ZNF177: variants seen among roughly 807,000 people sequenced by gnomAD.
The protein encoded by ZNF177 is zinc finger protein 177.
Under a neutral mutation model 19.4 loss-of-function variants are expected in ZNF177, and 17 were observed. That is an observed-to-expected ratio of 0.87 (90% CI 0.60 to 1.31). The LOEUF is 1.31. Ranked by LOEUF, ZNF177 falls within the 40% of genes most tolerant of loss-of-function variation. ZNF177 has a pLI of 0.00. For synonymous variants in ZNF177, 220 were observed against 188.7 expected (o/e 1.17, Z -1.36); for missense variants, 633 against 561.8 (o/e 1.13, Z -1.28).
chr19:9,381,001 C>G (rs1263361051), exon 6 of ZNF177: 7 of 1,572,732 alleles, frequency 4.5e-6, no homozygotes, highest in Non-Finnish European at 6.0e-6. Context: ...AGTACGTGAG[C>G]AAATACCTAC....
Position 9,381,918 on chromosome 19 carries a change from A to G in ZNF177, c.*141A>G. 3 of 1,245,950 alleles carry G rather than the reference A, an allele frequency of 2.4e-6. No homozygotes were observed. In the South Asian group the frequency reaches 4.9e-5, roughly 20 times the overall value. 77.2% of individuals were successfully genotyped at this position (1,245,950 alleles called of 1,614,324 possible). On this transcript the variant is annotated 3_prime_UTR_variant, in exon 6 of 6. Coordinates refer to ENST00000589262, the Ensembl canonical transcript of ZNF177. ...TGCCTGTTATACTGGGACAAACCTT[A>G]TAAATGTTATAGCTATGATTGTTTT...
intron 3 of ZNF177, 140 bp downstream of exon 5, chr19:9,379,228 C>A: frequency 7.4e-7 from 1 of 1,345,486 alleles, no homozygotes; most frequent in Non-Finnish European, 9.9e-7. Context: ...GGGGGCAGTC[C>A]AGTGGCTTCC....
At chr19:9,370,692 G>C (rs1399853407) in intron 2 of ZNF177, among the ~76,000 whole-genome samples, 1 of 152,108 alleles carries the variant, frequency 6.6e-6, no homozygotes, top group Non-Finnish European at 1.5e-5. Context: ...AAAGTGCTGG[G>C]ATTACTGGTG....
At chr19:9,379,256 T>G (rs1469609778) in intron 3 of ZNF177, 168 bp downstream of exon 5, 1 of 1,239,442 alleles carries the variant, frequency 8.1e-7, no homozygotes, top group Non-Finnish European at 1.1e-6. Context: ...ATGCACTGAT[T>G]TCATTTTCTC....
exon 4 of ZNF177, chr19:9,379,581 A>G: frequency 6.2e-7 from 1 of 1,613,986 alleles, no homozygotes; most frequent in African/African-American, 1.3e-5. Context: ...GAACAGCTGA[A>G]GACAGATGAA....
In ZNF177 at chr19:9,377,280, CATA is replaced by C. The variant is rs572431435; in HGVS notation, c.-54+863_-54+865del. Among the ~76,000 whole-genome samples, 14 of 152,180 alleles carry C rather than the reference CATA, an allele frequency of 9.2e-5. No homozygotes were observed. In the South Asian group the frequency reaches 1.5e-3, roughly 16 times the overall value. ...TATGTACAGTAGATTATATACAGTA[CATA>C]ATAATGAATAGTAATAAGTGACCAC... On this transcript the variant is annotated intron_variant, in intron 1 of 5. Transcript: ENST00000589262.
At chr19:9,379,317 A>G (rs2122553679) in intron 3 of ZNF177, 1 of 1,056,010 alleles carries the variant, frequency 9.5e-7, no homozygotes, top group East Asian at 2.6e-5. Context: ...TCTTGTGTAT[A>G]GGTTTCAAGG....
chr19:9,378,127 T>C, intron 1 of ZNF177, 132 bp from the exon 4 acceptor site: 1 of 756,252 alleles, frequency 1.3e-6, no homozygotes, highest in South Asian at 2.9e-5. Context: ...ACTGTGTTCT[T>C]GGATAAGGAG....
chr19:9,370,381 A>C (rs966019381), intron 2 of ZNF177, among the ~76,000 whole-genome samples: 1 of 151,852 alleles, frequency 6.6e-6, no homozygotes, highest in Non-Finnish European at 1.5e-5. Context: ...TACCTAGTAC[A>C]ATAAGTGTTA....
At chr19:9,367,515 T>C (rs1357119899) in intron 2 of ZNF177, among the ~76,000 whole-genome samples, 2 of 152,220 alleles carry the variant, frequency 1.3e-5, no homozygotes, top group Admixed American at 1.3e-4. Flanking sequence ...TGCATTCCTC[T>C]GGTAAACCTA....
At position 9,369,272 on chromosome 19, in the gene ZNF177, T is replaced by C. The variant is rs146218408; in HGVS notation, c.-304-2338T>C. On this transcript the variant is annotated intron_variant, in intron 2 of 8. Transcript: ENST00000343499. ...AGTCTTATAGTGATGATTTGTGTTA[T>C]TTATCCTTTAATTGTGCTAGCTTCT... is the stretch of plus-strand genomic sequence containing the variant. Among the ~76,000 whole-genome samples the C allele has an allele frequency of 2.2e-3, 339 of 152,210 alleles. 1 individual carries two copies. Among genetic ancestry groups the C allele is most frequent in the African/African-American group, 7.6e-3 (315 of 41,576 alleles).
chr19:9,378,893 C>A, intron 2 of ZNF177, 69 bp from the exon 5 acceptor site: 1 of 1,512,972 alleles, frequency 6.6e-7, no homozygotes, highest in South Asian at 1.4e-5. Flanking sequence ...TCAGCCTCAC[C>A]CACCATTCTC....
chr19:9,366,020 G>T (rs2067974231), intron 2 of ZNF177, among the ~76,000 whole-genome samples: 1 of 152,134 alleles, frequency 6.6e-6, no homozygotes, highest in African/African-American at 2.4e-5. Flanking sequence ...ATCTACCTCT[G>T]TCGCCAGGCT....
intron 1 of ZNF177, among the ~76,000 whole-genome samples, chr19:9,377,167 G>A (rs1281975341): frequency 6.6e-6 from 1 of 152,058 alleles, no homozygotes; most frequent in Non-Finnish European, 1.5e-5. Context: ...TAATGACATA[G>A]CCAGTGTAAC....
intron 1 of ZNF177, 133 bp downstream of exon 3, chr19:9,376,556 T>G (rs2068111632): frequency 6.6e-6 from 1 of 152,224 alleles, no homozygotes; most frequent in African/African-American, 2.4e-5. Flanking sequence ...TTTCTTTCTC[T>G]TTTCTCCATA....
upstream of ZNF177, among the ~76,000 whole-genome samples, chr19:9,375,390 AT>A (rs1303663425): frequency 1.3e-5 from 2 of 151,998 alleles, no homozygotes; most frequent in Non-Finnish European, 2.9e-5. Context: ...CTCCTTTTCC[AT>A]TTTTTTGGAA....
chr19:9,380,256 A>C (rs2068174198), intron 5 of ZNF177, 117 bp downstream of exon 7: 24 of 1,266,484 alleles, frequency 1.9e-5, no homozygotes, highest in Non-Finnish European at 2.5e-5. Context: ...CTTTCACCAG[A>C]AAGCTGTCTC....
chr19:9,380,424 A>G (rs1298563870), intron 5 of ZNF177, among the ~76,000 whole-genome samples: 3 of 152,350 alleles, frequency 2.0e-5, no homozygotes, highest in South Asian at 4.1e-4. Context: ...TTCACTCAGT[A>G]TTAGAAAAAC....
chr19:9,382,575 AC>A (rs750730766), downstream of ZNF177: 28 of 394,752 alleles, frequency 7.1e-5, no homozygotes, highest in Non-Finnish European at 1.1e-4. Flanking sequence ...TTCAGTCCCA[AC>A]TGTTACATCT....
Sources: allele counts gnomAD v4.1 joint callset (sites outside exome capture counted in the v4.1 genomes callset), GRCh38; gene constraint gnomAD v4.1.1; transcripts MANE v1.5; gene names NCBI Gene and HGNC (gene_info 2026-07-23, HGNC 2026-07-21).